MAN2B1: variants seen among roughly 807,000 people sequenced by gnomAD.
The protein encoded by MAN2B1 is lysosomal alpha-mannosidase.
MAN2B1 carries 99 observed loss-of-function variants against 127.5 expected under a neutral mutation model. That is an observed-to-expected ratio of 0.78 (90% CI 0.66 to 0.92). MAN2B1 has a LOEUF of 0.92. MAN2B1 is among the 40% of genes least tolerant of loss of function. MAN2B1 has a pLI of 0.00. For missense variants in MAN2B1, 1,304 were observed against 1,384.8 expected (o/e 0.94, Z 0.93); for synonymous variants, 573 against 568.8 (o/e 1.01, Z -0.11).
chr19:12,658,570 C>A, intron 7 of MAN2B1, 60 bp from the exon 8 acceptor site: 1 of 1,443,746 alleles, frequency 6.9e-7, no homozygotes, highest in Non-Finnish European at 9.7e-7. Context: ...GGGGCCCACA[C>A]TTCCACACAT....
chr19:12,648,116 A>C (rs1295115318), intron 21 of MAN2B1, 59 bp downstream of exon 21: 1 of 1,480,674 alleles, frequency 6.8e-7, no homozygotes, highest in African/African-American at 1.4e-5. Flanking sequence ...TCCGCACCCA[A>C]ACCCGGCTCC....
chr19:12,664,402 A>C (rs1157205788), intron 4 of MAN2B1, among the ~76,000 whole-genome samples: 1 of 151,822 alleles, frequency 6.6e-6, no homozygotes, highest in African/African-American at 2.4e-5. Flanking sequence ...GACTCCAGGA[A>C]TGAGGTTCCC....
intron 21 of MAN2B1, 67 bp downstream of exon 21, chr19:12,648,108 C>A: frequency 1.4e-6 from 2 of 1,438,904 alleles, no homozygotes; most frequent in Non-Finnish European, 1.9e-6. Flanking sequence ...TAGGAAACTC[C>A]GCACCCAAAC....
rs991095656 is a variant in MAN2B1, at chr19:12,648,346, C to T, written c.2493G>A (p.Glu831=). The T allele has an allele frequency of 2.5e-6, 4 of 1,613,794 alleles. No individual in the cohort carries two copies. The African/African-American group carries it at 4.0e-5, about 16-fold the overall frequency. ...CTCGCACCCACGCCCCCGACCCGTT[C>T]TCCATTAGTGGCTCCGATACTCCGC... ...DGRGVSEPLM[E]NGSGAWVRGR... is the part of the protein sequence containing the mutation. The change falls in exon 21 of 24, where the codon GAG becomes GAA. Residue 831 remains glutamate (E), a synonymous_variant. Coordinates refer to ENST00000456935, the MANE Select transcript of MAN2B1 (RefSeq NM_000528.4).
At chr19:12,656,850 C>A (rs1422729967) in intron 12 of MAN2B1, 99 bp downstream of exon 12, 2 of 1,126,964 alleles carry the variant, frequency 1.8e-6, no homozygotes, top group Non-Finnish European at 2.7e-6. Context: ...GCTTCGCAGC[C>A]CACGTAATTT....
At position 12,648,312 on chromosome 19, in the gene MAN2B1, G is replaced by A. The variant is rs1391743738; in HGVS notation, c.2527C>T (p.Leu843=). 4 of 1,613,418 alleles carry A rather than the reference G, an allele frequency of 2.5e-6. No individual in the cohort carries two copies. Among genetic ancestry groups the A allele is most frequent in the Non-Finnish European group, 3.4e-6 (4 of 1,179,904 alleles). The change falls in exon 21 of 24, where the codon CTG becomes TTG. Residue 843 remains leucine, a synonymous_variant. Coordinates refer to ENST00000456935, the MANE Select transcript of MAN2B1 (RefSeq NM_000528.4). The part of the protein sequence containing the change: ...GSGAWVRGRH[L]VLLDTAQAAA... ...GCCTGGGCTGTGTCCAGCAGCACCA[G>A]GTGGCGCCCTCGCACCCACGCCCCC... is the stretch of plus-strand genomic sequence containing the variant.
Position 12,648,402 on chromosome 19 carries a change from C to T in MAN2B1, c.2437G>A (p.Val813Met). Reference protein sequence around the residue: ...SLRDGSLELMVHRRLLKDDGR... With the variant: ...SLRDGSLELMMHRRLLKDDGR... ...TCGTCCTTCAGCAGCCTTCGGTGCA[C>T]CTGGGGGGAGAGTGGCCAGGAGGGG... Residue 813 changes from valine (V) to methionine (M), a missense_variant and splice_region_variant, in exon 21 of 24, where the codon GTG (valine) becomes ATG (methionine). Coordinates refer to ENST00000456935, the MANE Select transcript of MAN2B1 (RefSeq NM_000528.4). 1.2e-6 allele frequency: 2 copies of T among 1,609,768 alleles called. No individual in the cohort carries two copies. Among genetic ancestry groups the T allele is most frequent in the Non-Finnish European group, 1.7e-6 (2 of 1,177,116 alleles).
At chr19:12,658,394 C>T in intron 8 of MAN2B1, 34 bp downstream of exon 8, 2 of 1,614,232 alleles carry the variant, frequency 1.2e-6, no homozygotes, top group Non-Finnish European at 1.7e-6. Context: ...CGGGGCATGC[C>T]AACCCCCCCA....
At chr19:12,656,860 T>G in intron 12 of MAN2B1, 89 bp downstream of exon 12, 1 of 1,180,168 alleles carries the variant, frequency 8.5e-7, no homozygotes, top group Non-Finnish European at 1.3e-6. Flanking sequence ...CCACGTAATT[T>G]CACTCCTGTA....
chr19:12,648,120 C>T (rs2145224073), intron 21 of MAN2B1, 55 bp downstream of exon 21: 3 of 1,485,746 alleles, frequency 2.0e-6, no homozygotes, highest in Admixed American at 2.0e-5. Flanking sequence ...CACCCAAACC[C>T]GGCTCCCTGG....
At position 12,652,462 on chromosome 19, in the gene MAN2B1, T is replaced by C. The variant is rs80338678; in HGVS notation, c.1831-2A>G. 6.2e-7 allele frequency: 1 copy of C among 1,611,322 alleles called. No individual in the cohort carries two copies. Among genetic ancestry groups the C allele is most frequent in the Non-Finnish European group, 8.5e-7 (1 of 1,177,592 alleles). On this transcript the variant is annotated splice_acceptor_variant, in intron 14 of 23. Coordinates refer to ENST00000456935, the MANE Select transcript of MAN2B1 (RefSeq NM_000528.4). LOFTEE classifies it high-confidence loss of function. Reference sequence around the variant, plus strand: ...AGGATCAAACGTTGCCCGGATGTGCTGGGCAGAAAAGGGTCCACAGATGGG... The same window carrying C: ...AGGATCAAACGTTGCCCGGATGTGCCGGGCAGAAAAGGGTCCACAGATGGG...
chr19:12,647,293 T>C lies in MAN2B1; in HGVS notation c.2863A>G (p.Thr955Ala). 1 of 1,614,146 alleles carries C rather than the reference T, an allele frequency of 6.2e-7. No individual in the cohort carries two copies. The highest frequency in any genetic ancestry group is 8.5e-7 in the Non-Finnish European group (1 of 1,180,014). ...TFTITRLQET[T>A]LVANQLREAA... Reference sequence around the variant, plus strand: ...TCGCGGAGCTGGTTGGCCACCAGCGTGGTCTCCTGCAGGCGGGTGATGGTG... The same window carrying C: ...TCGCGGAGCTGGTTGGCCACCAGCGCGGTCTCCTGCAGGCGGGTGATGGTG... Residue 955 changes from threonine to alanine, a missense_variant, in exon 23 of 24, where the codon ACG (threonine) becomes GCG (alanine). By Grantham distance (58) the Thr-to-Ala change is moderately conservative. Coordinates refer to ENST00000456935, the MANE Select transcript of MAN2B1 (RefSeq NM_000528.4). This position sits in a 1 kb window ranked among gnomAD's most constrained non-coding sequence, Gnocchi z 4.9.
At chr19:12,665,911 C>T in intron 1 of MAN2B1, 106 bp from the exon 2 acceptor site, 5 of 855,710 alleles carry the variant, frequency 5.8e-6, no homozygotes, top group South Asian at 1.4e-5. Context: ...GGCCTGATCT[C>T]GCCTATGTGC....
intron 21 of MAN2B1, 133 bp downstream of exon 21, chr19:12,648,037 GGGGAT>G: frequency 1.1e-6 from 1 of 897,000 alleles, no homozygotes; most frequent in Non-Finnish European, 1.8e-6. Context: ...GGACTGCCCA[GGGGAT>G]GGGGTTGGCC....
At chr19:12,649,846 T>TCCCCCACCCC in intron 18 of MAN2B1, 67 bp downstream of exon 18, 2 of 1,330,398 alleles carry the variant, frequency 1.5e-6, no homozygotes, top group Non-Finnish European at 2.2e-6. Context: ...TCAGCAAATT[T>TCCCCCACCCC]CCCTCACCAC....
At chr19:12,656,225 G>A (rs1176609385) in intron 13 of MAN2B1, 7 of 445,644 alleles carry the variant, frequency 1.6e-5, no homozygotes, top group Non-Finnish European at 1.6e-5. Context: ...TTTTCCTGGG[G>A]AAGCGGGGTA....
intron 7 of MAN2B1, among the ~76,000 whole-genome samples, chr19:12,660,118 C>T (rs781090201): frequency 5.3e-5 from 8 of 152,122 alleles, no homozygotes; most frequent in Non-Finnish European, 8.8e-5. Context: ...GTGTCCATGT[C>T]CTGATCCCCA....
At position 12,665,494 on chromosome 19, in the gene MAN2B1, C is replaced by T; in HGVS notation, c.294G>A (p.Gln98=). The change falls in exon 3 of 24, where the codon CAG becomes CAA. Residue 98 remains glutamine, a synonymous_variant. Transcript: ENST00000456935. ...IKNDIQHAGV[Q]YILDSVISAL... Reference sequence around the variant, plus strand: ...CAGAGATGACCGAGTCCAGGATGTACTGCACACCGGCGTGCTGGATGTCAT... The same window carrying T: ...CAGAGATGACCGAGTCCAGGATGTATTGCACACCGGCGTGCTGGATGTCAT... The T allele has an allele frequency of 6.2e-7, 1 of 1,614,194 alleles. No individual in the cohort carries two copies. Among genetic ancestry groups the T allele is most frequent in the Non-Finnish European group, 8.5e-7 (1 of 1,180,050 alleles).
chr19:12,648,744 C>G (rs1467760135), intron 20 of MAN2B1, among the ~76,000 whole-genome samples: 9 of 151,448 alleles, frequency 5.9e-5, no homozygotes, highest in Non-Finnish European at 1.3e-4. Context: ...CCTGTAATCC[C>G]AGCACTTTGG....
Sources: allele counts gnomAD v4.1 joint callset (sites outside exome capture counted in the v4.1 genomes callset), GRCh38; gene constraint gnomAD v4.1.1; non-coding constraint Gnocchi (gnomAD v3.1); transcripts MANE v1.5; gene names NCBI Gene and HGNC (gene_info 2026-07-23, HGNC 2026-07-21).